Variants in MACROD1 observed in about 807,000 individuals in gnomAD.
MACROD1 encodes the protein mono-ADP ribosylhydrolase 1.
Under a neutral mutation model 41.4 loss-of-function variants are expected in MACROD1, and 31 were observed. The ratio of observed to expected loss-of-function variants is 0.75; its 90% CI spans 0.56 to 1.01. MACROD1 has a LOEUF of 1.01. Ranked by LOEUF, MACROD1 falls within the 50% of genes least tolerant of loss-of-function variation. The pLI, the probability that MACROD1 is intolerant of heterozygous loss-of-function variation, is 0.00. For missense variants in MACROD1, 473 were observed against 460.0 expected, an observed-to-expected ratio of 1.03 and a Z score of -0.26; for synonymous variants, 252 against 203.4, an observed-to-expected ratio of 1.24 and a Z score of -2.03.
chr11:64,139,848 C>T (rs1242594354), intron 3 of MACROD1, among the ~76,000 whole-genome samples: 4 of 151,800 alleles, frequency 2.6e-5, no homozygotes, highest in Non-Finnish European at 2.9e-5. Flanking sequence ...CCCAGCTACT[C>T]GGGAGGCTGA....
At position 63,999,651 on chromosome 11, in the gene MACROD1, G is replaced by A. The variant is rs1283248645; in HGVS notation, c.777C>T (p.Leu259=). ...GCGGGCCGTCCCTCACCACCGAGCG[G>A]AGCCGGTGCTCCAGCAGCAGGTCCA... is the stretch of plus-strand genomic sequence containing the variant. ...SSLDLLLEHR[L]RSVAFPCIST... The change falls in exon 6 of 11, where the codon CTC becomes CTT. Residue 259 remains leucine (L), a synonymous_variant. Coordinates refer to ENST00000255681, the MANE Select transcript of MACROD1 (RefSeq NM_014067.4). The A allele has an allele frequency of 1.9e-6, 3 of 1,609,352 alleles. No homozygotes were observed. Among genetic ancestry groups the A allele is most frequent in the Non-Finnish European group, 2.5e-6 (3 of 1,178,916 alleles).
At chr11:64,089,139 G>A (rs61884706) in intron 3 of MACROD1, among the ~76,000 whole-genome samples, 48,095 of 152,178 alleles carry the variant, frequency 0.32, 9,320 homozygotes, top group Middle Eastern at 0.43. Flanking sequence ...GGAGCCCGCT[G>A]GTGACCAGCA....
rs78353563 is a variant in MACROD1 at position 64,116,254 on chromosome 11, C to T, written c.517+34985G>A. The T allele has an allele frequency of 1.3e-3, 1,993 of 1,589,894 alleles. 20 individuals are homozygous for T. In the African/African-American group the frequency reaches 0.023, roughly 18 times the overall value. On this transcript the variant is annotated intron_variant, in intron 3 of 10. Transcript: ENST00000255681. ...TCCAGGCCAGGTGGGGCCGGACGCC[C>T]CCAGCCATCCACCATGGTGGTGGCA...
rs1010782436 is a variant in MACROD1, at chr11:64,142,178, C to T, written c.517+9061G>A. Among the ~76,000 whole-genome samples the T allele has an allele frequency of 3.3e-5, 5 of 152,264 alleles. No individual in the cohort carries two copies. The South Asian group carries it at 1.0e-3, about 32-fold the overall frequency. The stretch of plus-strand genomic sequence containing the variant: ...GGGGACTTAGAGGGTGTCACTGATT[C>T]GTGCAGCCCCTCCCACCATCTGACC... On this transcript the variant is annotated intron_variant, in intron 3 of 10. Coordinates refer to ENST00000255681, the MANE Select transcript of MACROD1 (RefSeq NM_014067.4).
At chr11:64,117,652 C>T (rs754337175) in intron 3 of MACROD1, 5 of 1,613,672 alleles carry the variant, frequency 3.1e-6, no homozygotes, top group Middle Eastern at 1.6e-4. Flanking sequence ...CTCCCCGCCT[C>T]CTCTTTCCGG....
At chr11:64,022,567 A>C (rs749293365) in intron 3 of MACROD1, among the ~76,000 whole-genome samples, 9 of 152,112 alleles carry the variant, frequency 5.9e-5, no homozygotes, top group Non-Finnish European at 1.2e-4. Context: ...CGAGTCGTTT[A>C]AAACATGTTT....
rs964186033 is a variant in MACROD1, at chr11:64,078,958, G to A, written c.518-63677C>T. Among the ~76,000 whole-genome samples the A allele has an allele frequency of 7.9e-5, 12 of 152,306 alleles. No homozygotes were observed. The South Asian group carries it at 2.5e-3, about 32-fold the overall frequency. ...GCGGTTAAGGGTGGTGAATGGCGGA[G>A]ACAGAGGTCTGTAGACTCCGACAAG... On this transcript the variant is annotated intron_variant, in intron 3 of 10. Coordinates refer to ENST00000255681, the MANE Select transcript of MACROD1 (RefSeq NM_014067.4).
rs555050942 is a variant in MACROD1, at chr11:64,027,668, G to T, written c.518-12387C>A. On this transcript the variant is annotated intron_variant, in intron 3 of 10. Coordinates refer to ENST00000255681, the MANE Select transcript of MACROD1 (RefSeq NM_014067.4). ...CCAGAGGCTCAGGTCTTAACCTCTG[G>T]GGTTATAGGTTATAGCCTCCCCCTG... Among the ~76,000 whole-genome samples the T allele has an allele frequency of 2.9e-4, 44 of 152,224 alleles. No individual in the cohort carries two copies. The South Asian group carries it at 8.9e-3, about 31-fold the overall frequency.
chr11:64,009,359 C>T (rs1475138578), intron 4 of MACROD1, among the ~76,000 whole-genome samples: 1 of 152,216 alleles, frequency 6.6e-6, no homozygotes, highest in Admixed American at 6.5e-5. Flanking sequence ...GCCCCAAGCC[C>T]ATCAAGCCTT....
rs1269720297 is a variant in MACROD1, at chr11:64,063,879, G to C, written c.518-48598C>G. Among the ~76,000 whole-genome samples, 6 of 152,240 alleles carry C rather than the reference G, an allele frequency of 3.9e-5. No individual in the cohort carries two copies. In the East Asian group the frequency reaches 1.2e-3, roughly 29 times the overall value. ...CTCCCGCTTTCTCCCCAGCCCCAGA[G>C]AGGGTGGTGGAGGGGGACCAGCCGG... On this transcript the variant is annotated intron_variant, in intron 3 of 10. Transcript: ENST00000255681.
At chr11:64,143,869 C>G (rs1945453063) in intron 3 of MACROD1, among the ~76,000 whole-genome samples, 1 of 151,108 alleles carries the variant, frequency 6.6e-6, no homozygotes, top group South Asian at 2.1e-4. Flanking sequence ...AGCTGTGTGA[C>G]CTTTAGCAAG....
In MACROD1 at chr11:64,117,661, G is replaced by A. The variant is rs774674765; in HGVS notation, c.517+33578C>T. 4.5e-5 allele frequency: 72 copies of A among 1,613,570 alleles called. No individual in the cohort carries two copies. The highest frequency in any genetic ancestry group is 5.2e-5 in the Non-Finnish European group (61 of 1,180,038). ...GCCACGCTCCCCGCCTCCTCTTTCC[G>A]GCTCAGTTGGCTGCGCCTGGGCCAC... is the stretch of plus-strand genomic sequence containing the variant. On this transcript the variant is annotated intron_variant, in intron 3 of 10. Transcript: ENST00000255681.
chr11:64,012,798 A>C (rs1010080777), intron 4 of MACROD1, among the ~76,000 whole-genome samples: 2 of 151,976 alleles, frequency 1.3e-5, no homozygotes, highest in African/African-American at 4.8e-5. Flanking sequence ...GGCCTCCCAA[A>C]GTGCTGGGAT....
intron 3 of MACROD1, among the ~76,000 whole-genome samples, chr11:64,085,431 G>GGAGGCCAGGCCCAACCACGGGGCTGCC (rs1944376794): frequency 6.6e-6 from 1 of 152,230 alleles, no homozygotes; most frequent in African/African-American, 2.4e-5. Flanking sequence ...AGACTGGCAG[G>GGAGGCCAGGCCCAACCACGGGGCTGCC]GAGGCCAGGC....
rs1319780762 is a variant in MACROD1 at position 64,120,695 on chromosome 11, A to G, written c.517+30544T>C. On this transcript the variant is annotated intron_variant, in intron 3 of 10. Transcript: ENST00000255681. The surrounding 1 kb of genome is among the most constrained non-coding windows in gnomAD (Gnocchi z 4.5). ...TGAGACTCCATCTCAAAAAAAAAAA[A>G]GTAGGCCCTCCCAGTGGACCATGGC... Among the ~76,000 whole-genome samples the G allele has an allele frequency of 6.6e-6, 1 of 151,600 alleles. No individual in the cohort carries two copies. The highest frequency in any genetic ancestry group is 2.4e-5 in the African/African-American group (1 of 41,300).
At chr11:64,045,809 G>A (rs1943574170) in intron 3 of MACROD1, among the ~76,000 whole-genome samples, 3 of 152,194 alleles carry the variant, frequency 2.0e-5, no homozygotes, top group Admixed American at 1.3e-4. Context: ...AATAACAGGT[G>A]GGCATGCTGG....
At chr11:64,135,875 C>T (rs1465294640) in intron 3 of MACROD1, among the ~76,000 whole-genome samples, 1 of 152,198 alleles carries the variant, frequency 6.6e-6, no homozygotes, top group African/African-American at 2.4e-5. Flanking sequence ...GTTGGCACCC[C>T]GCGCCTGCCC....
chr11:64,156,015 G>C (rs1383678451), intron 1 of MACROD1, among the ~76,000 whole-genome samples: 1 of 151,698 alleles, frequency 6.6e-6, no homozygotes, highest in Non-Finnish European at 1.5e-5. Flanking sequence ...GGCTGAGGCA[G>C]GAGAATCGCT....
chr11:64,087,904 C>T (rs907984979), intron 3 of MACROD1, among the ~76,000 whole-genome samples: 1 of 152,176 alleles, frequency 6.6e-6, no homozygotes, highest in Non-Finnish European at 1.5e-5. Context: ...CTTTCTGCGA[C>T]AGGGGAGAGG....
Sources: allele counts gnomAD v4.1 joint callset (sites outside exome capture counted in the v4.1 genomes callset), GRCh38; gene constraint gnomAD v4.1.1; non-coding constraint Gnocchi (gnomAD v3.1); transcripts MANE v1.5; gene names NCBI Gene and HGNC (gene_info 2026-07-23, HGNC 2026-07-21).